The following RANBP2 variants were observed in gnomAD, a reference collection of about 807,000 sequenced individuals.
RANBP2 encodes RAN binding protein 2.
In RANBP2, 57 loss-of-function variants were observed where a neutral mutation model predicts 303.6. The ratio of observed to expected loss-of-function variants is 0.19; its 90% CI spans 0.15 to 0.23. RANBP2 has a LOEUF of 0.23. Ranked by LOEUF, RANBP2 falls within the 10% of genes least tolerant of loss-of-function variation. The pLI is 1.00. For missense variants in RANBP2, 3,138 were observed against 3,780.8 expected, an observed-to-expected ratio of 0.83 and a Z score of 4.46; for synonymous variants, 1,167 against 1,301.5, an observed-to-expected ratio of 0.90 and a Z score of 2.23.
Position 108,753,688 on chromosome 2 carries a change from G to T in RANBP2, c.2055+125G>T, listed in dbSNP as rs1676084215. ...ACAATCTTGGCTCACTGCAACCTCT[G>T]CTTCCCAGGCTCAAGCGATTCTTGT... On this transcript the variant is annotated intron_variant, in intron 14 of 28. Coordinates refer to ENST00000283195, the MANE Select transcript of RANBP2 (RefSeq NM_006267.5). 2.5e-6 allele frequency: 4 copies of T among 1,579,080 alleles called. No homozygotes were observed. The Admixed American group carries it at 7.4e-5, about 29-fold the overall frequency.
chr2:109,055,142 T>A, the RANBP2 span, among the ~76,000 whole-genome samples: 10 of 152,344 alleles, frequency 6.6e-5, no homozygotes, highest in East Asian at 1.7e-3. Flanking sequence ...ATTTTCACGA[T>A]GACTAATGAT....
At chr2:108,819,282 G>A in the RANBP2 span, among the ~76,000 whole-genome samples, 2 of 152,184 alleles carry the variant, frequency 1.3e-5, no homozygotes, top group Non-Finnish European at 2.9e-5. Flanking sequence ...GTGTTCCCCT[G>A]CCGGTATAGC....
the RANBP2 span, chr2:108,896,861 T>C: frequency 2.5e-6 from 4 of 1,577,174 alleles, no homozygotes; most frequent in Non-Finnish European, 3.5e-6. Context: ...AGAGCCCTCG[T>C]TGGCTCCTTG....
chr2:109,395,577 C>T, the RANBP2 span, among the ~76,000 whole-genome samples: 3 of 152,190 alleles, frequency 2.0e-5, no homozygotes, highest in Non-Finnish European at 4.4e-5. Flanking sequence ...TCACTTTCAG[C>T]ACCGGCCTTC....
chr2:109,380,143 T>G, the RANBP2 span, among the ~76,000 whole-genome samples: 1 of 152,182 alleles, frequency 6.6e-6, no homozygotes, highest in Non-Finnish European at 1.5e-5. Flanking sequence ...TACATGGGTG[T>G]TCATTGTAGT....
chr2:109,159,448 G>A, the RANBP2 span, among the ~76,000 whole-genome samples: 1 of 152,246 alleles, frequency 6.6e-6, no homozygotes, highest in African/African-American at 2.4e-5. Flanking sequence ...CTGCATTACT[G>A]TGGATTTTAG....
At chr2:108,727,927 T>A (rs1411898708) in intron 1 of RANBP2, among the ~76,000 whole-genome samples, 1 of 152,096 alleles carries the variant, frequency 6.6e-6, no homozygotes, top group Non-Finnish European at 1.5e-5. Flanking sequence ...ATTTTGGACT[T>A]TGGAGTTTAT....
In RANBP2 at chr2:108,763,679, C is replaced by A. The variant is rs750442304; in HGVS notation, c.3140C>A (p.Ser1047Tyr). 15 of 1,613,992 alleles carry A rather than the reference C, an allele frequency of 9.3e-6. No homozygotes were observed. The highest frequency in any genetic ancestry group is 1.3e-5 in the Non-Finnish European group (15 of 1,180,004). Residue 1047 changes from serine (S) to tyrosine (Y), a missense_variant, in exon 20 of 29, where the codon TCC becomes TAC. This residue lies in a region of RANBP2 where 403 missense variants were observed against 376.7 expected (regional missense o/e 1.07). Transcript: ENST00000283195. ...FKSNDGDFTF[S>Y]SPQVVTQPPP... ...TCAAATGATGGTGACTTCACGTTTT[C>A]CTCACCACAGGTTGTGACACAGCCC...
the RANBP2 span, among the ~76,000 whole-genome samples, chr2:109,269,738 C>G: frequency 2.0e-5 from 3 of 152,212 alleles, no homozygotes; most frequent in African/African-American, 7.2e-5. Context: ...GAGATCGTGC[C>G]ACTGCACTCC....
chr2:109,211,703 G>A, the RANBP2 span, among the ~76,000 whole-genome samples: 8 of 149,612 alleles, frequency 5.3e-5, no homozygotes, highest in African/African-American at 2.0e-4. Flanking sequence ...GGAGTGCAAT[G>A]GTGCAATCTT....
At chr2:109,653,865 C>T in the RANBP2 span, among the ~76,000 whole-genome samples, 4 of 152,154 alleles carry the variant, frequency 2.6e-5, no homozygotes, top group Non-Finnish European at 5.9e-5. Context: ...TAGCGCTCAT[C>T]TCCAGAATCT....
chr2:108,766,893 A>G lies in RANBP2; in HGVS notation c.6354A>G (p.Lys2118=), dbSNP rs779464173. 3.7e-6 allele frequency: 6 copies of G among 1,611,074 alleles called. No homozygotes were observed. Among genetic ancestry groups the G allele is most frequent in the Admixed American group, 1.7e-5 (1 of 60,000 alleles). The change falls in exon 20 of 29, where the codon AAA becomes AAG. Residue 2118 remains lysine, a synonymous_variant. Transcript: ENST00000283195. ...GTGATTTCTCTGATGGTGATGCCAA[A>G]CTAGAGCAGTTGGCAGCAAAATTTA... ...LASDFSDGDA[K]LEQLAAKFKT...
the RANBP2 span, chr2:109,544,930 A>ACAAC: frequency 1.0e-6 from 1 of 982,266 alleles, no homozygotes; most frequent in Non-Finnish European, 1.2e-6. Flanking sequence ...CTTTTCCAAA[A>ACAAC]AAACAAACAA....
At chr2:109,383,150 C>T in the RANBP2 span, among the ~76,000 whole-genome samples, 1 of 152,246 alleles carries the variant, frequency 6.6e-6, no homozygotes, top group Non-Finnish European at 1.5e-5. Context: ...GCTTTTCAGG[C>T]ATGGAAGTGA....
the RANBP2 span, among the ~76,000 whole-genome samples, chr2:109,640,367 G>A: frequency 4.1e-4 from 63 of 152,256 alleles, no homozygotes; most frequent in East Asian, 0.01. Context: ...CAGGAGAATC[G>A]CTTGAACCTG....
intron 7 of RANBP2, among the ~76,000 whole-genome samples, chr2:108,745,921 T>C (rs184718566): frequency 2.0e-5 from 3 of 151,512 alleles, no homozygotes; most frequent in Admixed American, 6.6e-5. Flanking sequence ...TTTTTCTTTT[T>C]TTGGAGATAG....
At chr2:108,931,085 G>A in the RANBP2 span, 1 of 1,502,642 alleles carries the variant, frequency 6.7e-7, no homozygotes, top group Admixed American at 1.7e-5. Flanking sequence ...CCAGCCGGGG[G>A]TCTGGCTACC....
At chr2:109,301,822 C>T in the RANBP2 span, among the ~76,000 whole-genome samples, 1 of 152,128 alleles carries the variant, frequency 6.6e-6, no homozygotes, top group Non-Finnish European at 1.5e-5. Context: ...TCATTCTGGC[C>T]CTGTCTTGCC....
the RANBP2 span, among the ~76,000 whole-genome samples, chr2:109,164,584 T>C: frequency 6.6e-6 from 1 of 152,192 alleles, no homozygotes. Flanking sequence ...TTTCACCTTT[T>C]CTAGAACTCA....
Sources: allele counts gnomAD v4.1 joint callset (sites outside exome capture counted in the v4.1 genomes callset), GRCh38; gene constraint gnomAD v4.1.1; regional missense constraint gnomAD v4.1.1; transcripts MANE v1.5; gene names NCBI Gene and HGNC (gene_info 2026-07-23, HGNC 2026-07-21).